Variants in SDK1 observed in about 807,000 individuals in gnomAD.
SDK1 encodes sidekick cell adhesion molecule 1, also known as protein sidekick-1.
A neutral mutation model predicts 245.5 loss-of-function variants in SDK1; 157 were observed. That is an observed-to-expected ratio of 0.64 (90% confidence interval 0.56 to 0.73). SDK1 has a LOEUF of 0.73. Ranked by LOEUF, SDK1 falls within the 30% of genes least tolerant of loss-of-function variation. The pLI is 0.00. For synonymous variants in SDK1, 1,647 were observed against 1,278.5 expected (o/e 1.29, Z -6.15); for missense variants, 3,583 against 3,002.3 (o/e 1.19, Z -4.52).
At chr7:3,656,068 C>T (rs1276974532) in intron 4 of SDK1, among the ~76,000 whole-genome samples, 3 of 152,146 alleles carry the variant, frequency 2.0e-5, no homozygotes, top group African/African-American at 7.2e-5. Flanking sequence ...TCTACATGAG[C>T]ACACATTAGT....
At chr7:3,967,281 A>G (rs966838759) in intron 9 of SDK1, 37 bp from the exon 10 acceptor site, 19 of 1,511,782 alleles carry the variant, frequency 1.3e-5, no homozygotes, top group Non-Finnish European at 1.7e-5. Context: ...CCTCTCAGGA[A>G]CAAGGCCCTG....
chr7:4,079,620 G>A lies in SDK1; in HGVS notation c.3324+36G>A, dbSNP rs144878322. On this transcript the variant is annotated intron_variant, in intron 22 of 44. Coordinates refer to ENST00000404826, the MANE Select transcript of SDK1 (RefSeq NM_152744.4). The stretch of plus-strand genomic sequence containing the variant: ...CGTTAGACTGGGAGCTGGCATTTGC[G>A]AAGAGCAGTGTTGGGGCCTGTGAAT... The A allele has an allele frequency of 6.2e-4, 994 of 1,612,850 alleles. 6 individuals carry two copies. In the African/African-American group the frequency reaches 0.012, roughly 20 times the overall value.
intron 5 of SDK1, among the ~76,000 whole-genome samples, chr7:3,842,897 C>T (rs986338157): frequency 7.2e-5 from 11 of 152,124 alleles, no homozygotes; most frequent in Admixed American, 6.5e-4. Context: ...CTCCAGCGTT[C>T]ACCACAATGG....
chr7:3,522,811 G>A (rs545059191), intron 1 of SDK1, among the ~76,000 whole-genome samples: 5 of 152,190 alleles, frequency 3.3e-5, no homozygotes, highest in South Asian at 4.2e-4. Flanking sequence ...AATTGTTTCC[G>A]TGTTGATCCA....
intron 32 of SDK1, among the ~76,000 whole-genome samples, chr7:4,164,642 G>A (rs1781383259): frequency 6.6e-6 from 1 of 152,204 alleles, no homozygotes. Flanking sequence ...TTCCTATAAA[G>A]GCAGTGAGCA....
chr7:3,597,741 C>G (rs940936400), intron 1 of SDK1, among the ~76,000 whole-genome samples: 1 of 152,158 alleles, frequency 6.6e-6, no homozygotes, highest in African/African-American at 2.4e-5. Context: ...TTTTGTTGGA[C>G]AATACAGTAC....
intron 11 of SDK1, among the ~76,000 whole-genome samples, chr7:3,971,068 TCAAA>T (rs1439491520): frequency 6.6e-6 from 1 of 152,030 alleles, no homozygotes; most frequent in Admixed American, 6.6e-5. Flanking sequence ...TAAACACAAC[TCAAA>T]CAAAAACACT....
At position 3,706,622 on chromosome 7, in the gene SDK1, G is replaced by C. The variant is rs1428625214; in HGVS notation, c.713+64517G>C. On this transcript the variant is annotated intron_variant, in intron 4 of 44. Transcript: ENST00000404826. ...TTTCACCATGTTAGCCAGGATGGTTGCGATCTCCTGACCTCGTGATCCACC... is the reference window on the plus strand; with the variant it reads ...TTTCACCATGTTAGCCAGGATGGTTCCGATCTCCTGACCTCGTGATCCACC... 2.0e-5 allele frequency among the ~76,000 whole-genome samples: 3 copies of C among 152,082 alleles called. No homozygotes were observed. The East Asian group carries it at 5.8e-4, about 29-fold the overall frequency.
At chr7:3,790,803 C>T (rs1781058344) in intron 4 of SDK1, among the ~76,000 whole-genome samples, 1 of 152,044 alleles carries the variant, frequency 6.6e-6, no homozygotes, top group Non-Finnish European at 1.5e-5. Flanking sequence ...TCGCCAAAAA[C>T]ACACACACAA....
At chr7:3,818,548 T>C (rs772750504) in intron 4 of SDK1, among the ~76,000 whole-genome samples, 15 of 152,326 alleles carry the variant, frequency 9.8e-5, no homozygotes, top group African/African-American at 2.6e-4. Context: ...ATAGGACTTA[T>C]TTGCAGTGCA....
intron 4 of SDK1, among the ~76,000 whole-genome samples, chr7:3,790,164 C>T (rs1434300531): frequency 1.3e-5 from 2 of 152,162 alleles, no homozygotes; most frequent in African/African-American, 4.8e-5. Context: ...TTTCTGCCGT[C>T]CTTCCTCAGA....
At chr7:4,239,465 C>G (rs1786386190) in intron 42 of SDK1, among the ~76,000 whole-genome samples, 1 of 152,192 alleles carries the variant, frequency 6.6e-6, no homozygotes, top group Non-Finnish European at 1.5e-5. Flanking sequence ...TTTTAAAAAC[C>G]TCATAATTAT....
rs143399963 is a variant in SDK1 at position 4,174,248 on chromosome 7, C to T, written c.4827C>T (p.Gly1609=). The T allele has an allele frequency of 2.5e-5, 41 of 1,614,014 alleles. No homozygotes were observed. In the African/African-American group the frequency reaches 5.1e-4, roughly 20 times the overall value. The change falls in exon 33 of 45, where the codon GGC becomes GGT. Residue 1609 remains glycine, a synonymous_variant. Coordinates refer to ENST00000404826, the MANE Select transcript of SDK1 (RefSeq NM_152744.4). The stretch of plus-strand genomic sequence containing the variant: ...CTCCGAGGGACGAAAGCCTGAATGG[C>T]CTTCTTCAGGGATACAGGATCTACT... The part of the protein sequence containing the change: ...WQPPRDESLN[G]LLQGYRIYYR...
At chr7:3,301,985 C>A in intron 1 of SDK1, 101 bp downstream of exon 1, 1 of 895,420 alleles carries the variant, frequency 1.1e-6, no homozygotes, top group Non-Finnish European at 1.4e-6. Context: ...GCTTCCCGGC[C>A]CGGGTCGGGA....
chr7:4,227,377 C>T, intron 40 of SDK1: 1 of 471,134 alleles, frequency 2.1e-6, no homozygotes, highest in South Asian at 1.6e-5. Flanking sequence ...GTCATCTTAA[C>T]ATGCAATGCA....
chr7:4,119,667 C>T (rs1016039654), intron 25 of SDK1, among the ~76,000 whole-genome samples: 2 of 149,062 alleles, frequency 1.3e-5, no homozygotes, highest in African/African-American at 2.5e-5. Flanking sequence ...AACATGGTTT[C>T]AGGCCAGACC....
intron 5 of SDK1, among the ~76,000 whole-genome samples, chr7:3,914,533 A>G (rs566148843): frequency 5.3e-5 from 8 of 152,362 alleles, no homozygotes; most frequent in African/African-American, 1.9e-4. Flanking sequence ...CTGCACAAAC[A>G]TGGTCTAATT....
intron 1 of SDK1, among the ~76,000 whole-genome samples, chr7:3,435,321 CTTTTTTT>C (rs71029672): frequency 1.4e-3 from 78 of 56,898 alleles, no homozygotes; most frequent in African/African-American, 6.5e-3. Context: ...AGGGGACTGC[CTTTTTTT>C]TTTTTTTTTT....
intron 40 of SDK1, among the ~76,000 whole-genome samples, chr7:4,230,405 GAGGGAAGGGGAGGAA>G (rs1785683696): frequency 1.4e-5 from 2 of 140,750 alleles, no homozygotes; most frequent in Middle Eastern, 3.8e-3. Flanking sequence ...GAGGGCAGGG[GAGGGAAGGGGAGGAA>G]AGGGAAGGGA....
Sources: allele counts gnomAD v4.1 joint callset (sites outside exome capture counted in the v4.1 genomes callset), GRCh38; gene constraint gnomAD v4.1.1; transcripts MANE v1.5; gene names NCBI Gene and HGNC (gene_info 2026-07-23, HGNC 2026-07-21).